The following MAST4 variants were observed in gnomAD, a reference collection of about 807,000 sequenced individuals.
MAST4 encodes microtubule-associated serine/threonine-protein kinase 4.
A neutral mutation model predicts 162.7 loss-of-function variants in MAST4; 89 were observed. The ratio of observed to expected loss-of-function variants is 0.55; its 90% confidence interval spans 0.46 to 0.65. The LOEUF (loss-of-function observed/expected upper bound fraction) is 0.65. MAST4 is among the 30% of genes least tolerant of loss of function. The pLI, the probability that MAST4 is intolerant of heterozygous loss-of-function variation, is 0.00. For synonymous variants in MAST4, 1,479 were observed against 1,361.1 expected (o/e 1.09, Z -1.91); for missense variants, 3,153 against 3,374.0 (o/e 0.93, Z 1.62).
chr5:66,873,771 T>C (rs541693724), intron 3 of MAST4, among the ~76,000 whole-genome samples: 1 of 152,336 alleles, frequency 6.6e-6, no homozygotes. Context: ...GAACTAGATA[T>C]ATCACCATGT....
rs536358108 is a variant in MAST4 at position 66,759,242 on chromosome 5, A to G, written c.364-467A>G. 5.9e-5 allele frequency among the ~76,000 whole-genome samples: 9 copies of G among 152,354 alleles called. No homozygotes were observed. The South Asian group carries it at 1.0e-3, about 18-fold the overall frequency. On this transcript the variant is annotated intron_variant, in intron 1 of 28. Coordinates refer to ENST00000403625, the MANE Select transcript of MAST4 (RefSeq NM_001164664.2). ...TGTAACCCACTAAAGAGAGTGATCTATTGCTTCTCTACAGAGCGACAATCT... is the reference window on the plus strand; with the variant it reads ...TGTAACCCACTAAAGAGAGTGATCTGTTGCTTCTCTACAGAGCGACAATCT...
intron 3 of MAST4, among the ~76,000 whole-genome samples, chr5:66,881,111 T>C (rs1761664963): frequency 6.6e-6 from 1 of 152,254 alleles, no homozygotes; most frequent in Non-Finnish European, 1.5e-5. Flanking sequence ...GAAGATCCCA[T>C]TGTGCTATCT....
chr5:66,747,175 GACAGTC>G (rs1752820890), intron 1 of MAST4, among the ~76,000 whole-genome samples: 1 of 151,620 alleles, frequency 6.6e-6, no homozygotes, highest in Admixed American at 6.6e-5. Context: ...TCTTGAAGTT[GACAGTC>G]ACGAGATAGC....
In MAST4 at chr5:67,160,436, C is replaced by A; in HGVS notation, c.3649-20C>A. On this transcript the variant is annotated intron_variant, in intron 26 of 28. Coordinates refer to ENST00000403625, the MANE Select transcript of MAST4 (RefSeq NM_001164664.2). ...TTCATCACAGCATTTCCCTTTAATG[C>A]CACCTCATCTTTTCTTTAGAGTGGG... 1.9e-6 allele frequency: 3 copies of A among 1,594,496 alleles called. No homozygotes were observed. The highest frequency in any genetic ancestry group is 2.6e-6 in the Non-Finnish European group (3 of 1,171,246).
At chr5:66,888,298 T>C (rs1214791677) in intron 3 of MAST4, among the ~76,000 whole-genome samples, 2 of 152,218 alleles carry the variant, frequency 1.3e-5, no homozygotes, top group African/African-American at 4.8e-5. Context: ...GTGTTGTTTT[T>C]GCATTTAGAT....
At chr5:67,143,272 A>G (rs1041147633) in intron 21 of MAST4, among the ~76,000 whole-genome samples, 2 of 79,480 alleles carry the variant, frequency 2.5e-5, no homozygotes, top group South Asian at 4.6e-4. Context: ...AAGGAAAAAA[A>G]AAGCCAAAAA....
intron 2 of MAST4, among the ~76,000 whole-genome samples, chr5:66,766,853 C>T (rs148178300): frequency 1.3e-5 from 2 of 152,228 alleles, no homozygotes; most frequent in African/African-American, 4.8e-5. Context: ...ATGCTACATG[C>T]TATGACAAGC....
At chr5:66,603,996 C>G (rs1020941695) in intron 1 of MAST4, among the ~76,000 whole-genome samples, 2 of 152,160 alleles carry the variant, frequency 1.3e-5, no homozygotes, top group Non-Finnish European at 2.9e-5. Context: ...GTGTTTTTCC[C>G]TTTCTTCACC....
intron 2 of MAST4, among the ~76,000 whole-genome samples, chr5:66,768,012 C>T (rs1754181481): frequency 6.6e-6 from 1 of 152,078 alleles, no homozygotes; most frequent in Admixed American, 6.6e-5. Flanking sequence ...AGTTGACACT[C>T]AGTATTAATC....
At chr5:66,848,816 C>T (rs577176882) in intron 3 of MAST4, among the ~76,000 whole-genome samples, 6 of 152,252 alleles carry the variant, frequency 3.9e-5, no homozygotes, top group Non-Finnish European at 7.4e-5. Context: ...TCCATAGACC[C>T]TCTTGCCAGA....
At chr5:66,626,098 G>A (rs758509068) in intron 1 of MAST4, among the ~76,000 whole-genome samples, 5 of 152,092 alleles carry the variant, frequency 3.3e-5, no homozygotes, top group Non-Finnish European at 7.4e-5. Context: ...AAAATGTATA[G>A]AAGCAGAGAG....
intron 1 of MAST4, among the ~76,000 whole-genome samples, chr5:66,728,466 A>G (rs544639409): frequency 7.9e-4 from 120 of 152,326 alleles, no homozygotes; most frequent in African/African-American, 2.8e-3. Context: ...TGTGAATGAC[A>G]TATACATATC....
chr5:66,719,851 A>G (rs1751085438), intron 1 of MAST4, among the ~76,000 whole-genome samples: 1 of 152,166 alleles, frequency 6.6e-6, no homozygotes, highest in South Asian at 2.1e-4. Context: ...TGTTTCAGAA[A>G]GATTTGTAAT....
At chr5:66,911,605 A>G (rs1763781833) in intron 4 of MAST4, among the ~76,000 whole-genome samples, 1 of 127,584 alleles carries the variant, frequency 7.8e-6, no homozygotes, top group Non-Finnish European at 1.6e-5. Flanking sequence ...GCATGGTGGC[A>G]TGTATCTATA....
At chr5:67,084,307 G>A (rs1762997728) in intron 5 of MAST4, among the ~76,000 whole-genome samples, 1 of 152,164 alleles carries the variant, frequency 6.6e-6, no homozygotes, top group Non-Finnish European at 1.5e-5. Context: ...TAAAAAGTAA[G>A]TATGTTTAAG....
chr5:67,103,273 G>T (rs2150865284), intron 9 of MAST4, among the ~76,000 whole-genome samples: 1 of 152,232 alleles, frequency 6.6e-6, no homozygotes, highest in Middle Eastern at 3.4e-3. Context: ...TGCACATTTG[G>T]GAGAAGGCCC....
Position 66,618,705 on chromosome 5 carries a change from C to T in MAST4, c.363+21687C>T, listed in dbSNP as rs542120052. The stretch of plus-strand genomic sequence containing the variant: ...CACTTTTGAGTGGATCCTCAAATAG[C>T]AAGGCAGCTATTAAAAGTGTTACTC... On this transcript the variant is annotated intron_variant, in intron 1 of 28. Coordinates refer to ENST00000403625, the MANE Select transcript of MAST4 (RefSeq NM_001164664.2). 6.6e-5 allele frequency among the ~76,000 whole-genome samples: 10 copies of T among 152,298 alleles called. 1 individual carries two copies. Among genetic ancestry groups the T allele is most frequent in the African/African-American group, 2.4e-4 (10 of 41,568 alleles).
chr5:67,162,913 G>C, intron 28 of MAST4, 125 bp downstream of exon 28: 1 of 1,084,768 alleles, frequency 9.2e-7, no homozygotes, highest in Admixed American at 2.8e-5. Context: ...TATAAAGACA[G>C]ATTTATAGAG....
chr5:66,917,789 C>T (rs887381669), intron 4 of MAST4, among the ~76,000 whole-genome samples: 1 of 152,120 alleles, frequency 6.6e-6, no homozygotes, highest in African/African-American at 2.4e-5. Flanking sequence ...TTTGAATACA[C>T]TGGCTTTTCT....
Sources: allele counts gnomAD v4.1 joint callset (sites outside exome capture counted in the v4.1 genomes callset), GRCh38; gene constraint gnomAD v4.1.1; transcripts MANE v1.5; gene names NCBI Gene and HGNC (gene_info 2026-07-23, HGNC 2026-07-21).